SUCLG2: variants seen among roughly 807,000 people sequenced by gnomAD.
SUCLG2 encodes the protein succinate--CoA ligase [GDP-forming] subunit beta, mitochondrial.
Under a neutral mutation model 47.9 loss-of-function variants are expected in SUCLG2, and 42 were observed. The observed-to-expected ratio is 0.88, with a 90% confidence interval of 0.69 to 1.14. SUCLG2 has a LOEUF of 1.14. SUCLG2 is among the 50% of genes most tolerant of loss of function. The pLI is 0.00. For missense variants in SUCLG2, 571 were observed against 525.9 expected (o/e 1.09, Z -0.84); for synonymous variants, 195 against 197.3 (o/e 0.99, Z 0.10).
chr3:67,586,493 G>A (rs929723095), intron 2 of SUCLG2, among the ~76,000 whole-genome samples: 9 of 152,206 alleles, frequency 5.9e-5, no homozygotes, highest in Non-Finnish European at 7.3e-5. Context: ...AGAGTCTAAT[G>A]TGCCAATTTC....
At chr3:67,605,679 C>A (rs1052389460) in intron 2 of SUCLG2, among the ~76,000 whole-genome samples, 1 of 152,096 alleles carries the variant, frequency 6.6e-6, no homozygotes, top group Non-Finnish European at 1.5e-5. Context: ...CACACTCACA[C>A]ACTCCTATAA....
intron 10 of SUCLG2, among the ~76,000 whole-genome samples, chr3:67,380,556 C>T (rs895620674): frequency 9.9e-5 from 15 of 152,150 alleles, no homozygotes; most frequent in African/African-American, 2.9e-4. Context: ...ATATACTAGG[C>T]ATGCTCAGAA....
At chr3:67,383,334 C>T (rs7623421) in intron 10 of SUCLG2, among the ~76,000 whole-genome samples, 12,305 of 152,238 alleles carry the variant, frequency 0.081, 541 homozygotes, top group Admixed American at 0.12. Context: ...ATTTTAAACC[C>T]GGTTCTGTTC....
intron 1 of SUCLG2, among the ~76,000 whole-genome samples, chr3:67,653,155 C>T (rs1701317704): frequency 1.3e-5 from 2 of 152,208 alleles, no homozygotes; most frequent in Admixed American, 1.3e-4. Context: ...CATGAGTTTT[C>T]ACTGCCCTGG....
rs558559935 is a variant in SUCLG2, at chr3:67,654,300, G to A, written c.84+203C>T. Among the ~76,000 whole-genome samples, 516 of 152,286 alleles carry A rather than the reference G, an allele frequency of 3.4e-3. 5 individuals are homozygous for A. Among genetic ancestry groups the A allele is most frequent in the African/African-American group, 0.012 (485 of 41,568 alleles). On this transcript the variant is annotated intron_variant, in intron 1 of 10. Transcript: ENST00000307227. ...GGTCGCTCATACCCCGAGGCACCCGGGGCTGCCGCCGCGCCGCCCCTGCCC... is the reference window on the plus strand; with the variant it reads ...GGTCGCTCATACCCCGAGGCACCCGAGGCTGCCGCCGCGCCGCCCCTGCCC...
At chr3:67,626,827 T>C (rs1179422607) in intron 1 of SUCLG2, among the ~76,000 whole-genome samples, 1 of 137,246 alleles carries the variant, frequency 7.3e-6, no homozygotes. Flanking sequence ...GGCAGAAGAA[T>C]GGCGTGAACC....
At chr3:67,478,958 G>A (rs1704840477) in intron 9 of SUCLG2, among the ~76,000 whole-genome samples, 1 of 152,224 alleles carries the variant, frequency 6.6e-6, no homozygotes, top group Non-Finnish European at 1.5e-5. Flanking sequence ...CATATAGGGT[G>A]TAACACCACT....
At chr3:67,469,467 C>T (rs150555528) in intron 9 of SUCLG2, among the ~76,000 whole-genome samples, 2,404 of 152,264 alleles carry the variant, frequency 0.016, 34 homozygotes, top group Non-Finnish European at 0.025. Flanking sequence ...CGGTGGCTCA[C>T]GCCTGTAATT....
At chr3:67,474,699 T>G (rs1200940370) in intron 9 of SUCLG2, among the ~76,000 whole-genome samples, 1 of 152,236 alleles carries the variant, frequency 6.6e-6, no homozygotes, top group Non-Finnish European at 1.5e-5. Flanking sequence ...AACCTTCCTT[T>G]AATTTATCTT....
intron 9 of SUCLG2, among the ~76,000 whole-genome samples, chr3:67,462,414 A>T (rs551803896): frequency 6.6e-6 from 1 of 152,120 alleles, no homozygotes; most frequent in Non-Finnish European, 1.5e-5. Context: ...CTAGCATTAG[A>T]TCATACCCTT....
At chr3:67,438,330 CAAGAGCAA>C (rs1206204103) in intron 9 of SUCLG2, among the ~76,000 whole-genome samples, 1 of 151,890 alleles carries the variant, frequency 6.6e-6, no homozygotes, top group South Asian at 2.1e-4. Flanking sequence ...ACTAGAGAAG[CAAGAGCAA>C]ACAAATTCAA....
At chr3:67,653,504 T>G (rs1256684670) in intron 1 of SUCLG2, among the ~76,000 whole-genome samples, 1 of 152,188 alleles carries the variant, frequency 6.6e-6, no homozygotes, top group Admixed American at 6.5e-5. Flanking sequence ...ACTCAAAAAA[T>G]CATTAATCAC....
At chr3:67,471,687 G>A (rs1385557658) in intron 9 of SUCLG2, among the ~76,000 whole-genome samples, 2 of 150,674 alleles carry the variant, frequency 1.3e-5, no homozygotes, top group Non-Finnish European at 2.9e-5. Context: ...AATTTGGCCA[G>A]TTTTAGGGGA....
intron 1 of SUCLG2, among the ~76,000 whole-genome samples, chr3:67,612,195 C>T (rs1040575630): frequency 6.6e-6 from 1 of 152,050 alleles, no homozygotes; most frequent in African/African-American, 2.4e-5. Context: ...CCTGCCTCTA[C>T]AGAAAGTGAA....
chr3:67,488,039 A>G (rs1343292485), intron 9 of SUCLG2, among the ~76,000 whole-genome samples: 3 of 151,366 alleles, frequency 2.0e-5, no homozygotes, highest in Non-Finnish European at 4.4e-5. Flanking sequence ...CATAAAAAAA[A>G]GAAAGAAAGC....
rs941846107 is a variant in SUCLG2, at chr3:67,438,870, C to T, written c.1063-38019G>A. On this transcript the variant is annotated intron_variant, in intron 9 of 10. Coordinates refer to ENST00000307227, the MANE Select transcript of SUCLG2 (RefSeq NM_003848.4). Reference sequence around the variant, plus strand: ...GCAAACAATAGAAAAAGAGGGACTCCTCCCTAACTCGTTTTATAAGGACTG... The same window carrying T: ...GCAAACAATAGAAAAAGAGGGACTCTTCCCTAACTCGTTTTATAAGGACTG... 6.6e-5 allele frequency among the ~76,000 whole-genome samples: 10 copies of T among 152,278 alleles called. No individual in the cohort carries two copies. In the East Asian group the frequency reaches 1.2e-3, roughly 18 times the overall value.
Position 67,469,724 on chromosome 3 carries a change from G to A in SUCLG2, c.1062+26074C>T, listed in dbSNP as rs189417040. On this transcript the variant is annotated intron_variant, in intron 9 of 10. Coordinates refer to ENST00000307227, the MANE Select transcript of SUCLG2 (RefSeq NM_003848.4). ...AGCCTGGGTGACAGAATGAGACTCC[G>A]TCTCAAACTAATAATAATAATTTTT... is the stretch of plus-strand genomic sequence containing the variant. 2.3e-4 allele frequency among the ~76,000 whole-genome samples: 35 copies of A among 150,818 alleles called. 1 individual carries two copies. The highest frequency in any genetic ancestry group is 1.8e-3 in the Admixed American group (27 of 15,162).
chr3:67,474,844 C>T (rs905937627), intron 9 of SUCLG2, among the ~76,000 whole-genome samples: 4 of 152,144 alleles, frequency 2.6e-5, no homozygotes, highest in Non-Finnish European at 4.4e-5. Context: ...TTTCCACAGG[C>T]GTATGGGTTG....
chr3:67,457,672 G>T lies in SUCLG2; in HGVS notation c.1062+38126C>A, dbSNP rs368582478. On this transcript the variant is annotated intron_variant, in intron 9 of 10. Coordinates refer to ENST00000307227, the MANE Select transcript of SUCLG2 (RefSeq NM_003848.4). ...TCTATATCTACTTATAACAACAAAA[G>T]AACAAAAGCAGCTTTTTTTTTTTTT... Among the ~76,000 whole-genome samples the T allele has an allele frequency of 3.1e-5, 3 of 97,170 alleles. No individual in the cohort carries two copies. In the Admixed American group the frequency reaches 3.2e-4, roughly 10 times the overall value. 63.7% of individuals were successfully genotyped at this position (97,170 alleles called of 152,430 possible). A position where few individuals can be genotyped will look rare whatever the true frequency, so the allele number is the denominator to read the frequency against.
Sources: gnomAD v4.1 joint callset for allele counts (sites outside exome capture counted in the v4.1 genomes callset) on GRCh38, gnomAD v4.1.1 for gene constraint, MANE v1.5 for transcripts, NCBI Gene and HGNC (gene_info 2026-07-23, HGNC 2026-07-21) for gene names.